The following GPBP1 variants were observed in gnomAD, a reference collection of about 807,000 sequenced individuals.
GPBP1 encodes GC-rich promoter binding protein 1.
A neutral mutation model predicts 56.5 loss-of-function variants in GPBP1; 13 were observed. That is an observed-to-expected ratio of 0.23 (90% CI 0.15 to 0.37). The LOEUF is 0.37. Among genes scored for constraint, GPBP1 ranks in the 10% least tolerant of loss-of-function variants. The pLI is 1.00. For missense variants in GPBP1, 477 were observed against 572.3 expected (o/e 0.83, Z 1.70); for synonymous variants, 204 against 188.9 (o/e 1.08, Z -0.66).
intron 10 of GPBP1, among the ~76,000 whole-genome samples, chr5:57,253,857 C>G (rs1440613986): frequency 6.6e-6 from 1 of 152,226 alleles, no homozygotes; most frequent in Non-Finnish European, 1.5e-5. Context: ...CTCCTGGACT[C>G]AAGTGATACT....
intron 2 of GPBP1, among the ~76,000 whole-genome samples, chr5:57,196,583 C>CTATT (rs544263946): frequency 8.5e-4 from 129 of 151,980 alleles, no homozygotes; most frequent in Non-Finnish European, 1.3e-3. Flanking sequence ...TTGTCATCAT[C>CTATT]TATTTATTTA....
At chr5:57,179,604 T>G (rs1399997625) in intron 2 of GPBP1, among the ~76,000 whole-genome samples, 2 of 152,166 alleles carry the variant, frequency 1.3e-5, no homozygotes, top group African/African-American at 2.4e-5. Context: ...GTTGTTTTTT[T>G]GGGTTTTTTT....
intron 2 of GPBP1, among the ~76,000 whole-genome samples, chr5:57,186,250 G>A (rs1754280882): frequency 6.6e-6 from 1 of 151,952 alleles, no homozygotes; most frequent in African/African-American, 2.4e-5. Flanking sequence ...TTTAAATTAA[G>A]TGGGCATGGT....
Position 57,247,028 on chromosome 5 carries a change from TG to T in GPBP1, c.664-46del, listed in dbSNP as rs369412080. 61 of 1,565,902 alleles carry T rather than the reference TG, an allele frequency of 3.9e-5. No individual in the cohort carries two copies. In the African/African-American group the frequency reaches 5.2e-4, roughly 13 times the overall value. ...ATATTCACTGTTTTTGTCTTTCTCCTGTAACCTGTTTTTGATAGCCATTAAT... is the reference window on the plus strand; with the variant it reads ...ATATTCACTGTTTTTGTCTTTCTCCTTAACCTGTTTTTGATAGCCATTAAT... On this transcript the variant is annotated intron_variant, in intron 7 of 11. Transcript: ENST00000506184.
chr5:57,205,692 G>C (rs774554153), intron 2 of GPBP1, among the ~76,000 whole-genome samples: 11 of 150,834 alleles, frequency 7.3e-5, no homozygotes, highest in Non-Finnish European at 1.5e-4. Context: ...TATTTTATGT[G>C]GTTATTGGCC....
chr5:57,259,942 C>G (rs1315939710), intron 10 of GPBP1, among the ~76,000 whole-genome samples: 5 of 152,160 alleles, frequency 3.3e-5, no homozygotes, highest in Non-Finnish European at 7.3e-5. Flanking sequence ...TTGAGTGGAT[C>G]CCTTCCACTT....
chr5:57,190,459 C>G (rs1335412637), intron 2 of GPBP1, among the ~76,000 whole-genome samples: 4 of 151,792 alleles, frequency 2.6e-5, no homozygotes, highest in Non-Finnish European at 5.9e-5. Flanking sequence ...TTGGCACGCA[C>G]CTGTAATCTC....
At chr5:57,219,195 G>A (rs1376845785) in intron 3 of GPBP1, among the ~76,000 whole-genome samples, 2 of 151,652 alleles carry the variant, frequency 1.3e-5, no homozygotes, top group African/African-American at 4.8e-5. Flanking sequence ...GGCCAACATG[G>A]TGAAACCCCG....
At chr5:57,258,985 A>G (rs921791106) in intron 10 of GPBP1, among the ~76,000 whole-genome samples, 2 of 152,242 alleles carry the variant, frequency 1.3e-5, no homozygotes, top group Non-Finnish European at 2.9e-5. Flanking sequence ...TTGTTTTGCT[A>G]GTCTAGATTT....
In GPBP1 at chr5:57,233,078, T is replaced by C. The variant is rs951779429; in HGVS notation, c.411+1757T>C. On this transcript the variant is annotated intron_variant, in intron 5 of 11. Transcript: ENST00000506184. ...GTTTAGAGAGGAGTCACGTGATGCA[T>C]TGTTAGTTTTTACAGTTCTTAGGTC... Among the ~76,000 whole-genome samples, 79 of 152,290 alleles carry C rather than the reference T, an allele frequency of 5.2e-4. 1 individual carries two copies. Among genetic ancestry groups the C allele is most frequent in the African/African-American group, 1.9e-3 (79 of 41,568 alleles).
chr5:57,224,142 A>G (rs1232657044), intron 3 of GPBP1, among the ~76,000 whole-genome samples: 1 of 151,146 alleles, frequency 6.6e-6, no homozygotes, highest in Non-Finnish European at 1.5e-5. Context: ...CTTAAATTAT[A>G]TTTTTAATTA....
intron 7 of GPBP1, 141 bp downstream of exon 7, chr5:57,246,625 A>T: frequency 1.7e-6 from 1 of 593,846 alleles, no homozygotes; most frequent in Non-Finnish European, 2.9e-6. Context: ...GTTGACCCAT[A>T]TGTGCTCTTA....
chr5:57,185,237 G>C (rs984648881), intron 2 of GPBP1, among the ~76,000 whole-genome samples: 3 of 150,108 alleles, frequency 2.0e-5, no homozygotes, highest in African/African-American at 7.3e-5. Context: ...ATTTGTTTTT[G>C]GCAACCATCT....
At chr5:57,222,608 CTT>C (rs34091101) in intron 3 of GPBP1, among the ~76,000 whole-genome samples, 1 of 151,554 alleles carries the variant, frequency 6.6e-6, no homozygotes, top group African/African-American at 2.4e-5. Flanking sequence ...GCTGTGTAAA[CTT>C]TTGTTGAGTG....
At chr5:57,189,342 C>A (rs1003941514) in intron 2 of GPBP1, among the ~76,000 whole-genome samples, 3 of 152,232 alleles carry the variant, frequency 2.0e-5, no homozygotes, top group African/African-American at 7.2e-5. Context: ...TGGTCTTGAC[C>A]TCCTGACTTC....
chr5:57,242,995 C>T (rs886968230), intron 6 of GPBP1, among the ~76,000 whole-genome samples: 6 of 150,556 alleles, frequency 4.0e-5, no homozygotes, highest in Admixed American at 2.6e-4. Context: ...GTGATCCGTC[C>T]GCCTCAGCCT....
At chr5:57,220,838 G>A (rs1054437188) in intron 3 of GPBP1, among the ~76,000 whole-genome samples, 40 of 151,936 alleles carry the variant, frequency 2.6e-4, no homozygotes, top group Non-Finnish European at 2.9e-4. Flanking sequence ...ATACTTTCTA[G>A]TGATACTTTT....
intron 3 of GPBP1, among the ~76,000 whole-genome samples, chr5:57,224,730 C>T (rs138472046): frequency 0.012 from 1,869 of 152,168 alleles, 41 homozygotes; most frequent in Non-Finnish European, 0.014. Context: ...TTTTAAAATT[C>T]GGGATTATGA....
chr5:57,180,184 T>G, intron 2 of GPBP1, among the ~76,000 whole-genome samples: 1 of 152,218 alleles, frequency 6.6e-6, no homozygotes, highest in East Asian at 1.9e-4. Context: ...GCACAATCTC[T>G]GCTCACTGTG....
Sources: gnomAD v4.1 joint callset for allele counts (sites outside exome capture counted in the v4.1 genomes callset) on GRCh38, gnomAD v4.1.1 for gene constraint, MANE v1.5 for transcripts, NCBI Gene and HGNC (gene_info 2026-07-23, HGNC 2026-07-21) for gene names.